Variants in CAMK4 observed in about 807,000 individuals in gnomAD.
The protein encoded by CAMK4 is calcium/calmodulin dependent protein kinase IV, also known as calcium/calmodulin-dependent protein kinase type IV.
Under a neutral mutation model 44.9 loss-of-function variants are expected in CAMK4, and 22 were observed. The ratio of observed to expected loss-of-function variants is 0.49; its 90% CI spans 0.35 to 0.70. The LOEUF (loss-of-function observed/expected upper bound fraction) is 0.70, where lower values mean the gene tolerates loss of function less well. Among genes scored for constraint, CAMK4 ranks in the 30% least tolerant of loss-of-function variants. The pLI, the probability that CAMK4 is intolerant of heterozygous loss-of-function variation, is 0.01. For missense variants in CAMK4, 498 were observed against 586.8 expected (o/e 0.85, Z 1.56); for synonymous variants, 218 against 215.4 (o/e 1.01, Z -0.11).
rs1370090145 is a variant in CAMK4, at chr5:111,492,058, A to T, written c.*7592A>T. ...AAATGCTTTCGTTTGCTTTCCTTAC[A>T]TATTTAGAAATCCAAGAAGGGCCCT... is the stretch of plus-strand genomic sequence containing the variant. On this transcript the variant is annotated 3_prime_UTR_variant, in exon 11 of 11. Coordinates refer to ENST00000282356, the MANE Select transcript of CAMK4 (RefSeq NM_001744.6). 1 of 152,144 alleles carries T rather than the reference A, an allele frequency of 6.6e-6. No homozygotes were observed. The highest frequency in any genetic ancestry group is 2.1e-4 in the South Asian group (1 of 4,826). 9.4% of individuals were successfully genotyped at this position (152,144 alleles called of 1,614,324 possible). A position where few individuals can be genotyped will look rare whatever the true frequency, so the allele number is the denominator to read the frequency against.
chr5:111,418,895 A>G (rs914915063), intron 5 of CAMK4, among the ~76,000 whole-genome samples: 1 of 152,198 alleles, frequency 6.6e-6, no homozygotes, highest in Non-Finnish European at 1.5e-5. Context: ...TAGTGCCGCA[A>G]TAAACATATG....
chr5:111,318,833 C>T (rs867792481), intron 1 of CAMK4, among the ~76,000 whole-genome samples: 1 of 151,942 alleles, frequency 6.6e-6, no homozygotes, highest in Non-Finnish European at 1.5e-5. Flanking sequence ...GATTAGAAAC[C>T]GTATAATTTT....
chr5:111,318,851 T>G (rs1025701754), intron 1 of CAMK4, among the ~76,000 whole-genome samples: 1 of 152,156 alleles, frequency 6.6e-6, no homozygotes, highest in African/African-American at 2.4e-5. Context: ...TTTATCAGTC[T>G]TATGATGCAA....
In CAMK4 at chr5:111,419,675, T is replaced by G. The variant is rs369142631; in HGVS notation, c.459+24893T>G. ...CTTTCTACATATGGCTAGCCAGTTT[T>G]GCCAGCACCATTTATTAAATAGGGA... On this transcript the variant is annotated intron_variant, in intron 5 of 10. Coordinates refer to ENST00000282356, the MANE Select transcript of CAMK4 (RefSeq NM_001744.6). Among the ~76,000 whole-genome samples the G allele has an allele frequency of 3.9e-5, 6 of 152,342 alleles. No individual in the cohort carries two copies. In the East Asian group the frequency reaches 1.2e-3, roughly 29 times the overall value.
At chr5:111,473,441 C>T (rs1337769837) in intron 8 of CAMK4, 55 bp downstream of exon 8, 21 of 1,096,070 alleles carry the variant, frequency 1.9e-5, no homozygotes, top group Non-Finnish European at 2.8e-5. Flanking sequence ...GTGACATTTT[C>T]TAGATACCTC....
At chr5:111,305,034 T>C (rs1236885591) in intron 1 of CAMK4, among the ~76,000 whole-genome samples, 1 of 81,928 alleles carries the variant, frequency 1.2e-5, no homozygotes, top group Admixed American at 1.4e-4. Context: ...AATAAAGATG[T>C]TCTTTGAAAC....
Position 111,484,173 on chromosome 5 carries a change from A to C in CAMK4, c.1129A>C (p.Lys377Gln). 2 of 1,614,212 alleles carry C rather than the reference A, an allele frequency of 1.2e-6. No individual in the cohort carries two copies. Among genetic ancestry groups the C allele is most frequent in the Non-Finnish European group, 1.7e-6 (2 of 1,180,012 alleles). ...EDMKAIPEGEKIQGDGAQAAV... is the reference protein window; with the variant it reads ...EDMKAIPEGEQIQGDGAQAAV... ...CATGAAAGCTATTCCAGAAGGAGAGAAAATTCAAGGCGATGGGGCCCAAGC... is the reference window on the plus strand; with the variant it reads ...CATGAAAGCTATTCCAGAAGGAGAGCAAATTCAAGGCGATGGGGCCCAAGC... The change falls in exon 11 of 11, where the codon AAA becomes CAA. Residue 377 changes from lysine to glutamine, a missense_variant. Physicochemically the swap from Lys to Gln is moderately conservative, Grantham distance 53 (BLOSUM62 1). Transcript: ENST00000282356. This position sits in a 1 kb window ranked among gnomAD's most constrained non-coding sequence, Gnocchi z 5.3.
chr5:111,451,307 T>C (rs969711487), intron 7 of CAMK4, among the ~76,000 whole-genome samples: 1 of 152,056 alleles, frequency 6.6e-6, no homozygotes, highest in Non-Finnish European at 1.5e-5. Context: ...TATTTATCAA[T>C]TATTGCTTTT....
chr5:111,241,018 T>C (rs1250936783), intron 1 of CAMK4, among the ~76,000 whole-genome samples: 1 of 152,218 alleles, frequency 6.6e-6, no homozygotes, highest in Admixed American at 6.5e-5. Flanking sequence ...AGTGCCTTTT[T>C]TCACAGGATT....
At chr5:111,438,356 A>G (rs760074757) in intron 5 of CAMK4, among the ~76,000 whole-genome samples, 28 of 152,222 alleles carry the variant, frequency 1.8e-4, no homozygotes, top group Non-Finnish European at 2.9e-4. Context: ...GTAATTACGT[A>G]GTATGTTTAG....
chr5:111,406,322 C>T (rs1752427919), intron 5 of CAMK4, among the ~76,000 whole-genome samples: 1 of 151,838 alleles, frequency 6.6e-6, no homozygotes, highest in African/African-American at 2.4e-5. Flanking sequence ...TCCCTGGGTT[C>T]AAGCAATTCT....
rs953427711 is a variant in CAMK4, at chr5:111,449,211, C to T, written c.625+8C>T. On this transcript the variant is annotated splice_region_variant and intron_variant, in intron 7 of 10. Coordinates refer to ENST00000282356, the MANE Select transcript of CAMK4 (RefSeq NM_001744.6). ...GAACCCCAGGGTACTGCGGTATGCTCTTTAATAATTATATTTTACTTTTAT... is the reference window on the plus strand; with the variant it reads ...GAACCCCAGGGTACTGCGGTATGCTTTTTAATAATTATATTTTACTTTTAT... 7 of 1,282,230 alleles carry T rather than the reference C, an allele frequency of 5.5e-6. No homozygotes were observed. The highest frequency in any genetic ancestry group is 7.7e-6 in the Non-Finnish European group (7 of 913,006). The allele number at this position is 1,282,230 out of a possible 1,614,324, so 79.4% of individuals were successfully genotyped here.
chr5:111,431,358 A>C (rs914795573), intron 5 of CAMK4, among the ~76,000 whole-genome samples: 10 of 152,156 alleles, frequency 6.6e-5, no homozygotes, highest in Admixed American at 1.3e-4. Context: ...ACAAAAATTA[A>C]ATCAAAAAGG....
intron 1 of CAMK4, among the ~76,000 whole-genome samples, chr5:111,329,669 T>C (rs566647709): frequency 6.6e-6 from 1 of 151,760 alleles, no homozygotes; most frequent in South Asian, 2.1e-4. Context: ...CAAGGTGAGC[T>C]TAACATTAGC....
At chr5:111,466,722 A>G (rs538659723) in intron 7 of CAMK4, among the ~76,000 whole-genome samples, 3 of 152,356 alleles carry the variant, frequency 2.0e-5, no homozygotes, top group East Asian at 3.8e-4. Context: ...GACATGTCCC[A>G]TGCTCATGGA....
At chr5:111,317,833 T>G (rs1409417154) in intron 1 of CAMK4, among the ~76,000 whole-genome samples, 2 of 141,024 alleles carry the variant, frequency 1.4e-5, no homozygotes, top group Non-Finnish European at 3.0e-5. Context: ...CTGTATTGTC[T>G]GAATGCAAAT....
At chr5:111,233,731 C>G (rs931549590) in intron 1 of CAMK4, among the ~76,000 whole-genome samples, 1 of 151,930 alleles carries the variant, frequency 6.6e-6, no homozygotes, top group South Asian at 2.1e-4. Flanking sequence ...GTTGAATAAT[C>G]CTTCTATATG....
At chr5:111,342,754 T>C (rs1327676527) in intron 1 of CAMK4, among the ~76,000 whole-genome samples, 2 of 151,574 alleles carry the variant, frequency 1.3e-5, no homozygotes, top group Admixed American at 6.6e-5. Context: ...GAATTATTGT[T>C]GATTTTTCTA....
intron 1 of CAMK4, among the ~76,000 whole-genome samples, chr5:111,312,816 A>G (rs1748265284): frequency 6.6e-6 from 1 of 152,162 alleles, no homozygotes; most frequent in East Asian, 1.9e-4. Flanking sequence ...CCCTATGCTC[A>G]TATGGTATCT....
Sources: gnomAD v4.1 joint callset for allele counts (sites outside exome capture counted in the v4.1 genomes callset) on GRCh38, gnomAD v4.1.1 for gene constraint, Gnocchi (gnomAD v3.1) non-coding constraint, MANE v1.5 for transcripts, NCBI Gene and HGNC (gene_info 2026-07-23, HGNC 2026-07-21) for gene names.